The following ASXL2 variants were observed in gnomAD, a reference collection of about 807,000 sequenced individuals.
ASXL2 encodes ASXL transcriptional regulator 2.
In ASXL2, 23 loss-of-function variants were observed where a neutral mutation model predicts 122.0. That is an observed-to-expected ratio of 0.19 (90% CI 0.14 to 0.27). The LOEUF is 0.27. Among genes scored for constraint, ASXL2 ranks in the 10% least tolerant of loss-of-function variants. ASXL2 has a pLI of 1.00. For synonymous variants in ASXL2, 650 were observed against 637.0 expected (o/e 1.02, Z -0.31); for missense variants, 1,518 against 1,713.8 (o/e 0.89, Z 2.02).
At position 25,744,730 on chromosome 2, in the gene ASXL2, T is replaced by C. The variant is rs1317315616; in HGVS notation, c.1861-254A>G. Among the ~76,000 whole-genome samples the C allele has an allele frequency of 1.3e-5, 2 of 152,178 alleles. No homozygotes were observed. The highest frequency in any genetic ancestry group is 2.9e-5 in the Non-Finnish European group (2 of 68,012). The stretch of plus-strand genomic sequence containing the variant: ...CTCACCCCAAATCCCCACACCTCTT[T>C]TCCTATCTCAACTCCCTCCTAATGC... On this transcript the variant is annotated intron_variant, in intron 12 of 12. Transcript: ENST00000435504. This position sits in a 1 kb window ranked among gnomAD's most constrained non-coding sequence, Gnocchi z 4.7.
chr2:25,760,324 G>C (rs2088219834), intron 8 of ASXL2, among the ~76,000 whole-genome samples: 1 of 150,708 alleles, frequency 6.6e-6, no homozygotes, highest in Non-Finnish European at 1.5e-5. Flanking sequence ...AGAAAAATGA[G>C]CAAAGGAAAT....
rs1445882649 is a variant in ASXL2 at position 25,749,942 on chromosome 2, C to T, written c.1614G>A (p.Val538=). ...GTGGACCCGCTCCTGCTGTGGGCTT[C>T]ACTATTGGTTTTTCAACCCCAGGAC... ...PKSPGVEKPI[V]KPTAGAGPQE... is the part of the protein sequence containing the mutation. The change falls in exon 12 of 13, where the codon GTG becomes GTA. Residue 538 remains valine (V), a synonymous_variant. Transcript: ENST00000435504. 16 of 1,613,914 alleles carry T rather than the reference C, an allele frequency of 9.9e-6. No homozygotes were observed. Among genetic ancestry groups the T allele is most frequent in the Non-Finnish European group, 1.2e-5 (14 of 1,179,876 alleles).
chr2:25,813,516 G>A (rs1052628522), intron 3 of ASXL2, among the ~76,000 whole-genome samples: 1 of 152,190 alleles, frequency 6.6e-6, no homozygotes, highest in Non-Finnish European at 1.5e-5. Flanking sequence ...AAGTGAGTTT[G>A]GTGCTAAATG....
intron 2 of ASXL2, 94 bp from the exon 3 acceptor site, chr2:25,835,634 G>C (rs2149188667): frequency 8.7e-6 from 2 of 231,132 alleles, no homozygotes; most frequent in Admixed American, 4.8e-5. Context: ...AAATTAAACT[G>C]TCCCTTCCCA....
intron 9 of ASXL2, among the ~76,000 whole-genome samples, chr2:25,758,369 C>T (rs563058329): frequency 1.3e-5 from 2 of 152,192 alleles, no homozygotes; most frequent in Non-Finnish European, 2.9e-5. Flanking sequence ...AAACATCTCC[C>T]TCTCATCATT....
At chr2:25,820,950 T>C (rs1181682016) in intron 3 of ASXL2, among the ~76,000 whole-genome samples, 3 of 152,022 alleles carry the variant, frequency 2.0e-5, no homozygotes, top group Non-Finnish European at 4.4e-5. Context: ...GCGGATCACC[T>C]GAGGTCAGGA....
chr2:25,789,613 C>G (rs1184916748), intron 5 of ASXL2, among the ~76,000 whole-genome samples: 3 of 152,034 alleles, frequency 2.0e-5, no homozygotes, highest in Admixed American at 6.6e-5. Context: ...CATTCCAAAT[C>G]AGAAAACATG....
At chr2:25,849,529 C>T (rs1003096843) in intron 1 of ASXL2, among the ~76,000 whole-genome samples, 8 of 149,718 alleles carry the variant, frequency 5.3e-5, no homozygotes, top group Non-Finnish European at 8.9e-5. Flanking sequence ...GGCTGGAGTG[C>T]GGTGGTGCAA....
intron 1 of ASXL2, among the ~76,000 whole-genome samples, chr2:25,847,380 T>A (rs1057283467): frequency 6.6e-6 from 1 of 152,326 alleles, no homozygotes; most frequent in East Asian, 1.9e-4. Context: ...TCTATGCCCA[T>A]CCCTCAAATA....
rs2087803956 is a variant in ASXL2 at position 25,740,165 on chromosome 2, G to C, written c.*1864C>G. ...GAACACAGATATTAATCCTATATTG[G>C]CCTTGGGCCACAAAAAAGCCAGAAG... On this transcript the variant is annotated 3_prime_UTR_variant, in exon 13 of 13. Coordinates refer to ENST00000435504, the MANE Select transcript of ASXL2 (RefSeq NM_018263.6). The C allele has an allele frequency of 4.5e-6, 1 of 221,876 alleles. No homozygotes were observed. The highest frequency in any genetic ancestry group is 9.0e-6 in the Non-Finnish European group (1 of 111,076). 13.7% of individuals were successfully genotyped at this position (221,876 alleles called of 1,614,324 possible). A position where few individuals can be genotyped will look rare whatever the true frequency, so the allele number is the denominator to read the frequency against.
At chr2:25,855,867 A>G (rs1220904490) in intron 1 of ASXL2, among the ~76,000 whole-genome samples, 2 of 150,172 alleles carry the variant, frequency 1.3e-5, no homozygotes, top group East Asian at 3.9e-4. Context: ...AGACAGAAAC[A>G]CAATCTTGAT....
intron 8 of ASXL2, among the ~76,000 whole-genome samples, chr2:25,767,245 C>T (rs1391271644): frequency 6.6e-6 from 1 of 152,054 alleles, no homozygotes; most frequent in African/African-American, 2.4e-5. Context: ...ACAAAGCAAC[C>T]TATTGGCAGA....
intron 3 of ASXL2, chr2:25,810,437 G>C: frequency 1.4e-6 from 1 of 703,044 alleles, no homozygotes. Context: ...GGCTTTTGCA[G>C]GGCAGTGGCC....
At chr2:25,785,160 C>T (rs2088717064) in intron 5 of ASXL2, among the ~76,000 whole-genome samples, 1 of 151,992 alleles carries the variant, frequency 6.6e-6, no homozygotes, top group African/African-American at 2.4e-5. Flanking sequence ...GTAAAATATC[C>T]CTAAAAAGGA....
chr2:25,866,628 C>A (rs2089907025), intron 1 of ASXL2, among the ~76,000 whole-genome samples: 1 of 152,228 alleles, frequency 6.6e-6, no homozygotes, highest in South Asian at 2.1e-4. Context: ...TCCCCCACAT[C>A]TGTTCTCAAG....
intron 2 of ASXL2, among the ~76,000 whole-genome samples, chr2:25,844,575 CA>C (rs796783017): frequency 2.0e-4 from 24 of 119,140 alleles, no homozygotes; most frequent in Admixed American, 2.6e-4. Flanking sequence ...GACTCCGTCT[CA>C]AAAAAAAAAA....
chr2:25,843,152 A>G (rs1426382343), intron 2 of ASXL2, among the ~76,000 whole-genome samples: 1 of 151,866 alleles, frequency 6.6e-6, no homozygotes, highest in African/African-American at 2.4e-5. Context: ...TACAAAAAAC[A>G]TTAGCCAGGC....
chr2:25,820,002 TG>T (rs1322046283), intron 3 of ASXL2, among the ~76,000 whole-genome samples: 1 of 152,174 alleles, frequency 6.6e-6, no homozygotes, highest in Non-Finnish European at 1.5e-5. Flanking sequence ...CTTGAACTCC[TG>T]GGCTCAAATT....
chr2:25,778,480 G>T (rs1186069844), intron 5 of ASXL2, among the ~76,000 whole-genome samples: 1 of 152,208 alleles, frequency 6.6e-6, no homozygotes, highest in Non-Finnish European at 1.5e-5. Flanking sequence ...TCAGAACTGA[G>T]AATAAATTTG....
Sources: allele counts gnomAD v4.1 joint callset (sites outside exome capture counted in the v4.1 genomes callset), GRCh38; gene constraint gnomAD v4.1.1; non-coding constraint Gnocchi (gnomAD v3.1); transcripts MANE v1.5; gene names NCBI Gene and HGNC (gene_info 2026-07-23, HGNC 2026-07-21).